Variants in RADIL observed in about 807,000 individuals in gnomAD.
RADIL encodes Rap associating with DIL domain, also known as ras-associating and dilute domain-containing protein.
Under a neutral mutation model 97.6 loss-of-function variants are expected in RADIL, and 99 were observed. The ratio of observed to expected loss-of-function variants is 1.01; its 90% CI spans 0.86 to 1.20. The LOEUF (loss-of-function observed/expected upper bound fraction) is 1.20, where lower values mean the gene tolerates loss of function less well. RADIL is among the 50% of genes most tolerant of loss of function. The pLI is 0.00. For synonymous variants in RADIL, 803 were observed against 691.8 expected, an observed-to-expected ratio of 1.16 and a Z score of -2.52; for missense variants, 1,765 against 1,498.9, an observed-to-expected ratio of 1.18 and a Z score of -2.93.
In RADIL at chr7:4,832,701, C is replaced by T. The variant is rs186133571; in HGVS notation, c.1417-523G>A. 2.9e-3 allele frequency among the ~76,000 whole-genome samples: 422 copies of T among 147,654 alleles called. 2 individuals are homozygous for T. Among genetic ancestry groups the T allele is most frequent in the African/African-American group, 0.01 (399 of 39,416 alleles). On this transcript the variant is annotated intron_variant, in intron 4 of 14. Transcript: ENST00000399583. ...TTGCAGTGAGACGAGATCACGCCAC[C>T]GCACTACAGCCTGGGTGACAGAGCG...
At chr7:4,861,409 G>C in intron 2 of RADIL, 1 of 1,614,144 alleles carries the variant, frequency 6.2e-7, no homozygotes, top group African/African-American at 1.3e-5. Context: ...GTTTAGCATA[G>C]AATGAGGTGA....
chr7:4,860,211 T>A (rs776425235), intron 2 of RADIL: 75 of 1,613,932 alleles, frequency 4.6e-5, no homozygotes, highest in Non-Finnish European at 5.9e-5. Context: ...GGCACAGACA[T>A]GCTGTTTTCA....
At chr7:4,827,629 C>A (rs888174300) in intron 5 of RADIL, among the ~76,000 whole-genome samples, 1 of 152,136 alleles carries the variant, frequency 6.6e-6, no homozygotes, top group Admixed American at 6.5e-5. Flanking sequence ...CCACTGTACT[C>A]CAGCCTGGGG....
chr7:4,847,080 G>T (rs1783591881), intron 2 of RADIL, among the ~76,000 whole-genome samples: 1 of 151,972 alleles, frequency 6.6e-6, no homozygotes, highest in South Asian at 2.1e-4. Context: ...CAGCACTTTG[G>T]GAGGCCAAGG....
At chr7:4,800,335 G>A in intron 12 of RADIL, 25 bp from the exon 13 acceptor site, 1 of 1,424,776 alleles carries the variant, frequency 7.0e-7, no homozygotes, top group Non-Finnish European at 9.2e-7. Context: ...GGAAAGGTGG[G>A]TGGGAGTGAG....
intron 10 of RADIL, 106 bp downstream of exon 10, chr7:4,805,460 G>A (rs1026769711): frequency 2.9e-6 from 4 of 1,371,400 alleles, no homozygotes; most frequent in Admixed American, 2.3e-5. Flanking sequence ...CAGGAGAGAG[G>A]TCCCCCACAC....
In RADIL at chr7:4,817,178, G is replaced by A. The variant is rs1257396360; in HGVS notation, c.1728+61C>T. 4.1e-6 allele frequency: 6 copies of A among 1,469,006 alleles called. No individual in the cohort carries two copies. The Admixed American group carries it at 5.4e-5, about 13-fold the overall frequency. 91.0% of individuals were successfully genotyped at this position (1,469,006 alleles called of 1,614,324 possible). On this transcript the variant is annotated intron_variant, in intron 7 of 14. Coordinates refer to ENST00000399583, the MANE Select transcript of RADIL (RefSeq NM_018059.5). This position sits in a 1 kb window ranked among gnomAD's most constrained non-coding sequence, Gnocchi z 8.3. ...CTCCTTAGGAGAGCCACAGGCACAA[G>A]CTTGAGCCCCACTTGATCCCAGGAG...
In RADIL at chr7:4,854,038, G is replaced by A. The variant is rs1783770934; in HGVS notation, c.536-17433C>T. 6.6e-6 allele frequency among the ~76,000 whole-genome samples: 1 copy of A among 152,156 alleles called. No individual in the cohort carries two copies. The highest frequency in any genetic ancestry group is 2.4e-5 in the African/African-American group (1 of 41,428). On this transcript the variant is annotated intron_variant, in intron 2 of 14. Coordinates refer to ENST00000399583, the MANE Select transcript of RADIL (RefSeq NM_018059.5). The surrounding 1 kb of genome is among the most constrained non-coding windows in gnomAD (Gnocchi z 5.1). ...GGACTTCTCCGAAAGCTCCATAGGTGGGCAGTTTGCAGGTACACCTTTGCC... is the reference window on the plus strand; with the variant it reads ...GGACTTCTCCGAAAGCTCCATAGGTAGGCAGTTTGCAGGTACACCTTTGCC...
intron 2 of RADIL, chr7:4,861,467 A>G (rs1221809689): frequency 3.7e-6 from 6 of 1,614,130 alleles, no homozygotes; most frequent in South Asian, 1.1e-5. Flanking sequence ...CAAGGCGTCA[A>G]TATCTGCGCC....
At position 4,805,587 on chromosome 7, in the gene RADIL, T is replaced by C. The variant is rs1037560931; in HGVS notation, c.2269A>G (p.Ser757Gly). Residue 757 changes from serine (S) to glycine (G), a missense_variant, in exon 10 of 15, where the codon AGC becomes GGC. Physicochemically the swap from Ser to Gly is moderately conservative, Grantham distance 56. Transcript: ENST00000399583. ...MSTWEPGAQD[S>G]PEAFRSEDVL... is the part of the protein sequence containing the mutation. ...TTACCTGACCTGAAGGCCTCGGGGCTGTCCTGGGCCCCTGGCTCCCAGGTG... is the reference window on the plus strand; with the variant it reads ...TTACCTGACCTGAAGGCCTCGGGGCCGTCCTGGGCCCCTGGCTCCCAGGTG... 1.2e-6 allele frequency: 2 copies of C among 1,609,366 alleles called. No homozygotes were observed. The highest frequency in any genetic ancestry group is 1.7e-6 in the Non-Finnish European group (2 of 1,178,068).
intron 2 of RADIL, 37 bp downstream of exon 2, chr7:4,877,568 G>A (rs369137138): frequency 5.4e-5 from 84 of 1,558,768 alleles, no homozygotes; most frequent in Non-Finnish European, 6.9e-5. Context: ...TCAGCGCTCA[G>A]ACCCACGGCT....
chr7:4,815,787 G>T lies in RADIL; in HGVS notation c.1967-337C>A, dbSNP rs1008383537. On this transcript the variant is annotated intron_variant, in intron 8 of 14. Coordinates refer to ENST00000399583, the MANE Select transcript of RADIL (RefSeq NM_018059.5). This position sits in a 1 kb window ranked among gnomAD's most constrained non-coding sequence, Gnocchi z 8.0. ...CTGGGTCTCCCCACGCCCCACAGTG[G>T]CCCTGGCTGGGAGTGGCCAGTGCTC... 1.3e-5 allele frequency among the ~76,000 whole-genome samples: 2 copies of T among 152,104 alleles called. No individual in the cohort carries two copies. The highest frequency in any genetic ancestry group is 4.8e-5 in the African/African-American group (2 of 41,420).
At chr7:4,841,013 A>G (rs1374116460) in intron 2 of RADIL, among the ~76,000 whole-genome samples, 1 of 152,260 alleles carries the variant, frequency 6.6e-6, no homozygotes, top group African/African-American at 2.4e-5. Flanking sequence ...CTATTTCAAA[A>G]CAAATGAATT....
intron 2 of RADIL, among the ~76,000 whole-genome samples, chr7:4,848,867 G>A (rs976747147): frequency 2.0e-5 from 3 of 152,160 alleles, no homozygotes; most frequent in African/African-American, 7.2e-5. Flanking sequence ...GGCCGGGCAT[G>A]GTGGCTCACA....
intron 11 of RADIL, among the ~76,000 whole-genome samples, chr7:4,802,283 C>G (rs1050389739): frequency 1.3e-5 from 2 of 149,674 alleles, no homozygotes; most frequent in South Asian, 4.2e-4. Flanking sequence ...CCTCGGGGCA[C>G]GCTGGCTGGG....
In RADIL at chr7:4,837,653, A is replaced by T. The variant is rs947013174; in HGVS notation, c.536-1048T>A. 4.6e-5 allele frequency among the ~76,000 whole-genome samples: 7 copies of T among 152,242 alleles called. No homozygotes were observed. The East Asian group carries it at 1.4e-3, about 29-fold the overall frequency. On this transcript the variant is annotated intron_variant, in intron 2 of 14. Transcript: ENST00000399583. The surrounding 1 kb of genome is among the most constrained non-coding windows in gnomAD (Gnocchi z 5.6). ...CAAAAACACACATGCACACACATAC[A>T]CACACGCCAACACACATGCACCCAC...
At chr7:4,874,719 C>A (rs1164514968) in intron 2 of RADIL, among the ~76,000 whole-genome samples, 2 of 152,226 alleles carry the variant, frequency 1.3e-5, no homozygotes. Context: ...AGCAGGGGTG[C>A]TTTCGCTCGC....
intron 2 of RADIL, among the ~76,000 whole-genome samples, chr7:4,844,461 A>G (rs961508028): frequency 3.3e-5 from 5 of 152,172 alleles, no homozygotes; most frequent in Non-Finnish European, 7.4e-5. Context: ...CAAGAAAAGA[A>G]AAGAAAGAAG....
rs1219820151 is a variant in RADIL, at chr7:4,822,229, C to T, written c.1615+165G>A. On this transcript the variant is annotated intron_variant, in intron 6 of 14. Coordinates refer to ENST00000399583, the MANE Select transcript of RADIL (RefSeq NM_018059.5). The surrounding 1 kb of genome is among the most constrained non-coding windows in gnomAD (Gnocchi z 5.3). ...GTGCCACCAGCACCAGCCTCACAGG[C>T]CGTCCCCGAGCAACTGACACATGGC... Among the ~76,000 whole-genome samples the T allele has an allele frequency of 1.3e-5, 2 of 152,192 alleles. No homozygotes were observed. The highest frequency in any genetic ancestry group is 2.9e-5 in the Non-Finnish European group (2 of 68,038).
Sources: allele counts gnomAD v4.1 joint callset (sites outside exome capture counted in the v4.1 genomes callset), GRCh38; gene constraint gnomAD v4.1.1; non-coding constraint Gnocchi (gnomAD v3.1); transcripts MANE v1.5; gene names NCBI Gene and HGNC (gene_info 2026-07-23, HGNC 2026-07-21).